Variants in PRKN observed in about 807,000 individuals in gnomAD.
The protein encoded by PRKN is E3 ubiquitin-protein ligase parkin.
PRKN carries 56 observed loss-of-function variants against 59.5 expected under a neutral mutation model. The observed-to-expected ratio is 0.94, with a 90% CI of 0.76 to 1.18. The LOEUF is 1.18. PRKN is among the 50% of genes most tolerant of loss of function. The pLI is 0.00. For missense variants in PRKN, 657 were observed against 596.4 expected (o/e 1.10, Z -1.06); for synonymous variants, 250 against 222.1 (o/e 1.13, Z -1.12).
At chr6:161,805,710 CAGG>C (rs948895627) in intron 6 of PRKN, among the ~76,000 whole-genome samples, 3 of 152,164 alleles carry the variant, frequency 2.0e-5, no homozygotes, top group Non-Finnish European at 2.9e-5. Flanking sequence ...TTCTAGAACA[CAGG>C]AGAATTATCA....
intron 6 of PRKN, among the ~76,000 whole-genome samples, chr6:161,880,746 C>T (rs1039611434): frequency 6.6e-6 from 1 of 152,168 alleles, no homozygotes; most frequent in Non-Finnish European, 1.5e-5. Context: ...CCTCCCCTTC[C>T]CCTGCTTTTC....
At chr6:162,349,429 T>C (rs911412925) in intron 2 of PRKN, among the ~76,000 whole-genome samples, 9 of 152,152 alleles carry the variant, frequency 5.9e-5, no homozygotes, top group African/African-American at 1.9e-4. Context: ...ATCGCGCCAC[T>C]GCACTCCAAC....
intron 2 of PRKN, among the ~76,000 whole-genome samples, chr6:162,311,918 T>A (rs1782535082): frequency 6.6e-6 from 1 of 151,924 alleles, no homozygotes; most frequent in Non-Finnish European, 1.5e-5. Context: ...CCCACAACTA[T>A]CCCTTTTAAG....
intron 2 of PRKN, among the ~76,000 whole-genome samples, chr6:162,337,897 A>G (rs756197445): frequency 3.3e-5 from 5 of 152,156 alleles, no homozygotes; most frequent in African/African-American, 4.8e-5. Context: ...AACTACTTCT[A>G]ATAGCAAAAT....
chr6:161,882,157 G>C (rs1794960469), intron 6 of PRKN, among the ~76,000 whole-genome samples: 1 of 152,146 alleles, frequency 6.6e-6, no homozygotes, highest in African/African-American at 2.4e-5. Flanking sequence ...CCTGTGCTTT[G>C]GAACTTCAGC....
At chr6:161,374,692 G>A (rs1201033720) in intron 10 of PRKN, among the ~76,000 whole-genome samples, 8 of 152,292 alleles carry the variant, frequency 5.3e-5, no homozygotes, top group African/African-American at 1.9e-4. Context: ...GTGTATGTGT[G>A]ATGTGTGCGT....
intron 7 of PRKN, among the ~76,000 whole-genome samples, chr6:161,770,196 G>A (rs1562669694): frequency 6.6e-6 from 1 of 152,148 alleles, no homozygotes. Flanking sequence ...CATGGAGCAT[G>A]GGGAAGGGCT....
chr6:162,268,195 C>G (rs77033472), intron 2 of PRKN, among the ~76,000 whole-genome samples: 5,914 of 152,238 alleles, frequency 0.039, 307 homozygotes, highest in African/African-American at 0.11. Context: ...TCTGCTATGT[C>G]TCAATGTGTC....
intron 7 of PRKN, among the ~76,000 whole-genome samples, chr6:161,698,171 T>G (rs1786100045): frequency 6.6e-6 from 1 of 152,112 alleles, no homozygotes; most frequent in African/African-American, 2.4e-5. Flanking sequence ...CACTTAAAGA[T>G]CTATATATTT....
At position 161,531,668 on chromosome 6, in the gene PRKN, T is replaced by C. The variant is rs564910156; in HGVS notation, c.1083+17186A>G. 2.6e-5 allele frequency among the ~76,000 whole-genome samples: 4 copies of C among 152,088 alleles called. 1 individual carries two copies. In the East Asian group the frequency reaches 7.7e-4, roughly 29 times the overall value. ...ATATACGCTGCAAACGTGTAGGGGATATTTAGGAGCACTGTCCCTGCTGCT... is the reference window on the plus strand; with the variant it reads ...ATATACGCTGCAAACGTGTAGGGGACATTTAGGAGCACTGTCCCTGCTGCT... On this transcript the variant is annotated intron_variant, in intron 9 of 11. Coordinates refer to ENST00000366898, the MANE Select transcript of PRKN (RefSeq NM_004562.3).
At chr6:161,513,017 C>G (rs550091142) in intron 9 of PRKN, among the ~76,000 whole-genome samples, 15 of 152,292 alleles carry the variant, frequency 9.8e-5, no homozygotes, top group African/African-American at 3.6e-4. Flanking sequence ...GCCCATCTGG[C>G]CTCCACAGAA....
intron 5 of PRKN, among the ~76,000 whole-genome samples, chr6:161,987,001 G>A (rs999123007): frequency 7.2e-5 from 11 of 152,048 alleles, no homozygotes; most frequent in South Asian, 2.1e-4. Flanking sequence ...AACTTTTTTC[G>A]TTCAAAAGTC....
In PRKN at chr6:161,529,146, C is replaced by A. The variant is rs147616679; in HGVS notation, c.1083+19708G>T. Among the ~76,000 whole-genome samples the A allele has an allele frequency of 6.6e-6, 1 of 152,182 alleles. No homozygotes were observed. The highest frequency in any genetic ancestry group is 2.4e-5 in the African/African-American group (1 of 41,454). On this transcript the variant is annotated intron_variant, in intron 9 of 11. Coordinates refer to ENST00000366898, the MANE Select transcript of PRKN (RefSeq NM_004562.3). This position sits in a 1 kb window ranked among gnomAD's most constrained non-coding sequence, Gnocchi z 4.4. The stretch of plus-strand genomic sequence containing the variant: ...ACGCTGCGTTCCTCTCCCTAGTCAC[C>A]GCATGCCTTCCTGTTCCAGTGAAAT...
chr6:161,583,228 C>G (rs973989370), intron 7 of PRKN, among the ~76,000 whole-genome samples: 3 of 152,088 alleles, frequency 2.0e-5, no homozygotes, highest in Non-Finnish European at 4.4e-5. Flanking sequence ...CCTTTAGATT[C>G]TCTTTAAAAC....
intron 1 of PRKN, among the ~76,000 whole-genome samples, chr6:162,551,026 T>C (rs759665893): frequency 1.1e-4 from 17 of 152,212 alleles, no homozygotes; most frequent in Non-Finnish European, 1.9e-4. Flanking sequence ...AATTTTCTTC[T>C]GTATGTAATT....
intron 1 of PRKN, among the ~76,000 whole-genome samples, chr6:162,491,036 G>A (rs1288921176): frequency 1.3e-5 from 2 of 152,022 alleles, no homozygotes; most frequent in Non-Finnish European, 2.9e-5. Flanking sequence ...CCAGGAGGCG[G>A]GGGTTGTGGT....
chr6:161,920,637 A>G (rs1778749936), intron 6 of PRKN, among the ~76,000 whole-genome samples: 2 of 151,480 alleles, frequency 1.3e-5, no homozygotes, highest in African/African-American at 4.9e-5. Context: ...TAAAAATACA[A>G]AAATTAGCTG....
intron 1 of PRKN, among the ~76,000 whole-genome samples, chr6:162,715,820 C>G (rs1778698988): frequency 6.6e-6 from 1 of 152,204 alleles, no homozygotes; most frequent in Admixed American, 6.5e-5. Context: ...AACACAGCCT[C>G]TGCTAACAAG....
intron 1 of PRKN, among the ~76,000 whole-genome samples, chr6:162,643,389 C>T (rs1448055769): frequency 1.1e-5 from 1 of 88,934 alleles, no homozygotes; most frequent in Non-Finnish European, 2.1e-5. Flanking sequence ...CAGAGCAAGA[C>T]TCTGCCTCAA....
Sources: allele counts gnomAD v4.1 joint callset (sites outside exome capture counted in the v4.1 genomes callset), GRCh38; gene constraint gnomAD v4.1.1; non-coding constraint Gnocchi (gnomAD v3.1); transcripts MANE v1.5; gene names NCBI Gene and HGNC (gene_info 2026-07-23, HGNC 2026-07-21).